The following COL23A1 variants were observed in gnomAD, a reference collection of about 807,000 sequenced individuals.
The protein encoded by COL23A1 is collagen alpha-1(XXIII) chain.
COL23A1 carries 97 observed loss-of-function variants against 99.3 expected under a neutral mutation model. The observed-to-expected ratio is 0.98, with a 90% CI of 0.83 to 1.16. The LOEUF (loss-of-function observed/expected upper bound fraction) is 1.16, where lower values mean the gene tolerates loss of function less well. Among genes scored for constraint, COL23A1 ranks in the 50% most tolerant of loss-of-function variants. The pLI, the probability that COL23A1 is intolerant of heterozygous loss-of-function variation, is 0.00. For synonymous variants in COL23A1, 320 were observed against 308.2 expected, an observed-to-expected ratio of 1.04 and a Z score of -0.40; for missense variants, 762 against 757.4, an observed-to-expected ratio of 1.01 and a Z score of -0.07.
chr5:178,437,901 G>A lies in COL23A1; in HGVS notation c.361+122781C>T, dbSNP rs1022483477. ...GGAGGTGGGATGTGGGGTCAGCCTC[G>A]GCTGGGCTGAGCTGCTCATGCCTGG... On this transcript the variant is annotated intron_variant, in intron 2 of 28. Transcript: ENST00000390654. Among the ~76,000 whole-genome samples the A allele has an allele frequency of 3.3e-5, 5 of 152,166 alleles. No homozygotes were observed. The South Asian group carries it at 6.2e-4, about 19-fold the overall frequency.
intron 2 of COL23A1, among the ~76,000 whole-genome samples, chr5:178,409,692 GTGAAGAA>G (rs898675436): frequency 4.6e-5 from 7 of 152,220 alleles, no homozygotes; most frequent in African/African-American, 1.7e-4. Flanking sequence ...CCATTTGGCA[GTGAAGAA>G]TAAATTGACA....
At chr5:178,490,818 T>A (rs912107403) in intron 2 of COL23A1, among the ~76,000 whole-genome samples, 3 of 152,162 alleles carry the variant, frequency 2.0e-5, no homozygotes, top group Non-Finnish European at 2.9e-5. Flanking sequence ...ATGTTATGTA[T>A]GTTTTACCAC....
chr5:178,257,341 G>A (rs12514653), intron 13 of COL23A1, among the ~76,000 whole-genome samples, 182 bp downstream of exon 13: 18,628 of 152,138 alleles, frequency 0.12, 1,366 homozygotes, highest in East Asian at 0.19. Context: ...CACATGGCCC[G>A]GGTGAGACGC....
At chr5:178,425,314 C>G (rs1450803526) in intron 2 of COL23A1, among the ~76,000 whole-genome samples, 1 of 151,760 alleles carries the variant, frequency 6.6e-6, no homozygotes, top group African/African-American at 2.4e-5. Flanking sequence ...CCCAGCTACT[C>G]GGGAGGCTGA....
At position 178,365,136 on chromosome 5, in the gene COL23A1, CGT is replaced by C. The variant is rs55995523; in HGVS notation, c.362-58219_362-58218del. Reference sequence around the variant, plus strand: ...GGGCTTTATGATGTTGCTGTGTGTGCGTGTGTGTGTGTGTGTGTGTGTGTGTG... The same window carrying C: ...GGGCTTTATGATGTTGCTGTGTGTGCGTGTGTGTGTGTGTGTGTGTGTGTG... On this transcript the variant is annotated intron_variant, in intron 2 of 28. Coordinates refer to ENST00000390654, the MANE Select transcript of COL23A1 (RefSeq NM_173465.4). This position sits in a 1 kb window ranked among gnomAD's most constrained non-coding sequence, Gnocchi z 5.2. Among the ~76,000 whole-genome samples the C allele has an allele frequency of 0.037, 5,397 of 147,812 alleles. 117 individuals are homozygous for C. Among genetic ancestry groups the C allele is most frequent in the African/African-American group, 0.056 (2,246 of 40,166 alleles).
chr5:178,532,216 G>C (rs1366868953), intron 2 of COL23A1, among the ~76,000 whole-genome samples: 2 of 152,220 alleles, frequency 1.3e-5, no homozygotes, highest in African/African-American at 4.8e-5. Context: ...CCAGCCTGTT[G>C]ACTTAATCAG....
intron 2 of COL23A1, among the ~76,000 whole-genome samples, chr5:178,314,149 T>C (rs1311567636): frequency 6.6e-6 from 1 of 152,146 alleles, no homozygotes; most frequent in Non-Finnish European, 1.5e-5. Context: ...CAGCCAGTGC[T>C]GCGGGCACTG....
rs1299239612 is a variant in COL23A1 at position 178,307,120 on chromosome 5, C to A, written c.362-201G>T. On this transcript the variant is annotated intron_variant, in intron 2 of 28. Coordinates refer to ENST00000390654, the MANE Select transcript of COL23A1 (RefSeq NM_173465.4). The surrounding 1 kb of genome is among the most constrained non-coding windows in gnomAD (Gnocchi z 4.2). ...GCCACTACCTCGCCTGTTCCGCCAA[C>A]CCCCCTCCCCAGGTGGCCGCATCCC... Among the ~76,000 whole-genome samples, 1 of 152,080 alleles carries A rather than the reference C, an allele frequency of 6.6e-6. No individual in the cohort carries two copies. The highest frequency in any genetic ancestry group is 1.5e-5 in the Non-Finnish European group (1 of 68,002).
At chr5:178,332,959 T>C (rs931091749) in intron 2 of COL23A1, among the ~76,000 whole-genome samples, 2 of 152,044 alleles carry the variant, frequency 1.3e-5, no homozygotes, top group African/African-American at 4.8e-5. Flanking sequence ...TTTGTTTTTT[T>C]TTGTTTGTTT....
rs544802917 is a variant in COL23A1, at chr5:178,554,335, T to C, written c.361+6347A>G. Reference sequence around the variant, plus strand: ...CTGGGATTACAGGCGTGTGCCACTATGCCCAGCTAATTTTTGCATTTTTAG... The same window carrying C: ...CTGGGATTACAGGCGTGTGCCACTACGCCCAGCTAATTTTTGCATTTTTAG... On this transcript the variant is annotated intron_variant, in intron 2 of 28. Transcript: ENST00000390654. 2.2e-4 allele frequency among the ~76,000 whole-genome samples: 34 copies of C among 152,226 alleles called. 1 individual carries two copies. The South Asian group carries it at 2.3e-3, about 10-fold the overall frequency.
chr5:178,571,218 C>T (rs139244397), intron 1 of COL23A1, among the ~76,000 whole-genome samples: 2,806 of 152,042 alleles, frequency 0.018, 82 homozygotes, highest in African/African-American at 0.063. Context: ...AAAAATTAGC[C>T]GGGCATAGTG....
At chr5:178,241,927 G>A (rs1764422230) in intron 27 of COL23A1, 115 bp downstream of exon 27, 4 of 744,292 alleles carry the variant, frequency 5.4e-6, no homozygotes, top group Non-Finnish European at 9.0e-6. Context: ...AGGCCAGTGC[G>A]TGACCAGTGG....
intron 2 of COL23A1, among the ~76,000 whole-genome samples, chr5:178,550,724 G>T (rs2113464869): frequency 6.6e-6 from 1 of 152,280 alleles, no homozygotes; most frequent in Non-Finnish European, 1.5e-5. Flanking sequence ...GCTACAGCAT[G>T]TGGGTGAGCT....
At chr5:178,481,842 G>C (rs1262413570) in intron 2 of COL23A1, among the ~76,000 whole-genome samples, 1 of 138,072 alleles carries the variant, frequency 7.2e-6, no homozygotes, top group Non-Finnish European at 1.5e-5. Context: ...TTGGACACAG[G>C]ATGGGGAACA....
chr5:178,301,972 CG>C (rs1758069065), intron 3 of COL23A1, among the ~76,000 whole-genome samples: 2 of 37,260 alleles, frequency 5.4e-5, no homozygotes, highest in East Asian at 3.5e-4. Flanking sequence ...CTGTGTGCGC[CG>C]GAGCACAGCC....
intron 2 of COL23A1, among the ~76,000 whole-genome samples, chr5:178,553,156 T>G (rs2113491907): frequency 3.2e-5 from 4 of 123,580 alleles, no homozygotes; most frequent in South Asian, 2.9e-4. Context: ...GCCGACAGAG[T>G]GAGATCCTAT....
At chr5:178,342,058 G>A (rs1760700595) in intron 2 of COL23A1, among the ~76,000 whole-genome samples, 1 of 127,370 alleles carries the variant, frequency 7.9e-6, no homozygotes, top group African/African-American at 3.0e-5. Flanking sequence ...CTCCATGGCA[G>A]GGGGACCGCT....
At chr5:178,430,965 G>A (rs1341426876) in intron 2 of COL23A1, among the ~76,000 whole-genome samples, 1 of 152,168 alleles carries the variant, frequency 6.6e-6, no homozygotes. Context: ...TGCTGCAGGA[G>A]CACAGGGCAG....
At chr5:178,286,372 C>A (rs1055723595) in intron 5 of COL23A1, among the ~76,000 whole-genome samples, 1 of 152,134 alleles carries the variant, frequency 6.6e-6, no homozygotes, top group Non-Finnish European at 1.5e-5. Context: ...CCGCGGGGCT[C>A]CACACACATC....
Sources: gnomAD v4.1 joint callset for allele counts (sites outside exome capture counted in the v4.1 genomes callset) on GRCh38, gnomAD v4.1.1 for gene constraint, Gnocchi (gnomAD v3.1) non-coding constraint, MANE v1.5 for transcripts, NCBI Gene and HGNC (gene_info 2026-07-23, HGNC 2026-07-21) for gene names.